The following ZDHHC14 variants were observed in gnomAD, a reference collection of about 807,000 sequenced individuals.
The protein encoded by ZDHHC14 is palmitoyltransferase ZDHHC14.
In ZDHHC14, 16 loss-of-function variants were observed where a neutral mutation model predicts 47.7. The ratio of observed to expected loss-of-function variants is 0.34; its 90% CI spans 0.23 to 0.51. The LOEUF (loss-of-function observed/expected upper bound fraction) is 0.51. ZDHHC14 is among the 20% of genes least tolerant of loss of function. ZDHHC14 has a pLI of 0.97. For missense variants in ZDHHC14, 515 were observed against 662.5 expected (o/e 0.78, Z 2.44); for synonymous variants, 293 against 278.9 (o/e 1.05, Z -0.50).
chr6:157,630,721 CCA>C (rs1451896612), intron 4 of ZDHHC14: 1 of 148,046 alleles, frequency 6.8e-6, no homozygotes, highest in Non-Finnish European at 1.5e-5. Context: ...CCTTACACAC[CCA>C]CACACCGCCT....
intron 2 of ZDHHC14, among the ~76,000 whole-genome samples, chr6:157,576,901 A>C (rs1201226691): frequency 6.6e-6 from 1 of 152,192 alleles, no homozygotes; most frequent in African/African-American, 2.4e-5. Context: ...TCAGGGGTAC[A>C]TGTGCAGGTT....
At chr6:157,453,246 C>A (rs9355686) in intron 1 of ZDHHC14, among the ~76,000 whole-genome samples, 38,909 of 151,972 alleles carry the variant, frequency 0.26, 5,378 homozygotes, top group East Asian at 0.39. Context: ...CTTTAGATAC[C>A]GAAGACATTC....
chr6:157,656,366 G>A (rs146957175), intron 8 of ZDHHC14, among the ~76,000 whole-genome samples: 2 of 145,362 alleles, frequency 1.4e-5, no homozygotes, highest in East Asian at 1.9e-4. Flanking sequence ...ACAGTGTCTC[G>A]CTCTGCCACC....
chr6:157,585,903 C>G (rs1247007056), intron 2 of ZDHHC14, among the ~76,000 whole-genome samples: 1 of 152,238 alleles, frequency 6.6e-6, no homozygotes. Flanking sequence ...AGTGGCCTGC[C>G]TGGTGGACAG....
At chr6:157,455,458 G>A (rs1250708227) in intron 1 of ZDHHC14, among the ~76,000 whole-genome samples, 3 of 152,234 alleles carry the variant, frequency 2.0e-5, no homozygotes, top group Non-Finnish European at 4.4e-5. Flanking sequence ...TACCCTGAAT[G>A]AAGCAGGTGA....
intron 3 of ZDHHC14, among the ~76,000 whole-genome samples, chr6:157,622,738 A>G (rs1456892551): frequency 2.0e-5 from 3 of 151,928 alleles, no homozygotes; most frequent in Non-Finnish European, 4.4e-5. Context: ...AAGTCCTGGA[A>G]CCCTGTTTTG....
chr6:157,430,743 T>C (rs1778323019), intron 1 of ZDHHC14, among the ~76,000 whole-genome samples: 1 of 152,268 alleles, frequency 6.6e-6, no homozygotes, highest in African/African-American at 2.4e-5. Flanking sequence ...GATTAGCGTA[T>C]GGACATCTCT....
intron 5 of ZDHHC14, among the ~76,000 whole-genome samples, chr6:157,640,494 A>G (rs1777197380): frequency 6.6e-6 from 1 of 152,174 alleles, no homozygotes; most frequent in Non-Finnish European, 1.5e-5. Context: ...GTCTTTTCCA[A>G]CTTGTCCATC....
intron 1 of ZDHHC14, among the ~76,000 whole-genome samples, chr6:157,533,924 A>G (rs571650099): frequency 6.6e-6 from 1 of 152,372 alleles, no homozygotes; most frequent in African/African-American, 2.4e-5. Context: ...AATTAAGTCT[A>G]TAATAACTCT....
intron 1 of ZDHHC14, among the ~76,000 whole-genome samples, chr6:157,450,266 T>C (rs1054638066): frequency 3.3e-5 from 5 of 152,056 alleles, no homozygotes; most frequent in African/African-American, 1.2e-4. Context: ...CGGTAACACC[T>C]TGGGTAAATA....
At chr6:157,489,404 T>C (rs1779858108) in intron 1 of ZDHHC14, among the ~76,000 whole-genome samples, 1 of 151,138 alleles carries the variant, frequency 6.6e-6, no homozygotes, top group Non-Finnish European at 1.5e-5. Context: ...AATGGACAGG[T>C]TTTTTAAAAC....
At position 157,536,031 on chromosome 6, in the gene ZDHHC14, C is replaced by T. The variant is rs17445094; in HGVS notation, c.246-6554C>T. Among the ~76,000 whole-genome samples, 26 of 152,210 alleles carry T rather than the reference C, an allele frequency of 1.7e-4. No individual in the cohort carries two copies. The South Asian group carries it at 5.4e-3, about 32-fold the overall frequency. On this transcript the variant is annotated intron_variant, in intron 1 of 8. Coordinates refer to ENST00000359775, the MANE Select transcript of ZDHHC14 (RefSeq NM_024630.3). ...AACCTCCATTTCTCACAATGCTACT[C>T]TGATTATTTCAGATGTGTGAGTCAT...
At chr6:157,539,965 C>T (rs1781684883) in intron 1 of ZDHHC14, among the ~76,000 whole-genome samples, 1 of 152,152 alleles carries the variant, frequency 6.6e-6, no homozygotes, top group African/African-American at 2.4e-5. Context: ...CCTGAGATTT[C>T]CTGCGGGGAC....
At chr6:157,538,982 G>C (rs1781646495) in intron 1 of ZDHHC14, among the ~76,000 whole-genome samples, 1 of 152,144 alleles carries the variant, frequency 6.6e-6, no homozygotes, top group Non-Finnish European at 1.5e-5. Flanking sequence ...TTGGACACCA[G>C]ATAAGGAGCT....
intron 1 of ZDHHC14, among the ~76,000 whole-genome samples, chr6:157,517,585 A>C (rs1201269567): frequency 6.6e-6 from 1 of 152,164 alleles, no homozygotes; most frequent in Non-Finnish European, 1.5e-5. Context: ...TGCTGGGATT[A>C]CAGGCTTGAG....
intron 1 of ZDHHC14, among the ~76,000 whole-genome samples, chr6:157,524,040 G>A (rs1781065951): frequency 6.6e-6 from 1 of 152,214 alleles, no homozygotes; most frequent in African/African-American, 2.4e-5. Context: ...GCAGCTGGAA[G>A]AGATTTAAGG....
chr6:157,497,834 A>G (rs903220096), intron 1 of ZDHHC14, among the ~76,000 whole-genome samples: 6 of 152,200 alleles, frequency 3.9e-5, no homozygotes, highest in Admixed American at 2.0e-4. Context: ...CCAGAGTCCA[A>G]TTTCTACCAT....
chr6:157,405,954 C>T (rs1777750700), intron 1 of ZDHHC14, among the ~76,000 whole-genome samples: 1 of 152,186 alleles, frequency 6.6e-6, no homozygotes, highest in African/African-American at 2.4e-5. Context: ...CCATCCCCCA[C>T]CCCTGCTCGG....
chr6:157,479,830 G>A (rs1305752816), intron 1 of ZDHHC14, among the ~76,000 whole-genome samples: 1 of 152,256 alleles, frequency 6.6e-6, no homozygotes, highest in Admixed American at 6.5e-5. Context: ...AGAGCTGGAA[G>A]GCTGGTGGTG....
Sources: gnomAD v4.1 joint callset for allele counts (sites outside exome capture counted in the v4.1 genomes callset) on GRCh38, gnomAD v4.1.1 for gene constraint, MANE v1.5 for transcripts, NCBI Gene and HGNC (gene_info 2026-07-23, HGNC 2026-07-21) for gene names.